Variants in CST1 observed in about 807,000 individuals in gnomAD.
The protein encoded by CST1 is cystatin SN.
CST1 carries 19 observed loss-of-function variants against 10.7 expected under a neutral mutation model. That is an observed-to-expected ratio of 1.78 (90% CI 1.24 to 2.61). The LOEUF is 2.61. Among genes scored for constraint, CST1 ranks in the 30% most tolerant of loss-of-function variants. CST1 has a pLI of 0.00. For synonymous variants in CST1, 95 were observed against 72.8 expected (o/e 1.31, Z -1.55); for missense variants, 247 against 178.1 (o/e 1.39, Z -2.20).
chr20:23,749,257 A>C, intron 1 of CST1, 128 bp from the exon 2 acceptor site: 1 of 812,946 alleles, frequency 1.2e-6, no homozygotes, highest in South Asian at 1.6e-5. Flanking sequence ...CAAGGCACAC[A>C]AGCCCCCTCT....
chr20:23,748,854 AC>A (rs905476338), intron 2 of CST1, among the ~76,000 whole-genome samples, 161 bp downstream of exon 2: 2 of 150,992 alleles, frequency 1.3e-5, no homozygotes, highest in African/African-American at 2.4e-5. Flanking sequence ...CTACATGCAC[AC>A]CCCCCCATAA....
chr20:23,750,552 C>T, intron 1 of CST1, 87 bp downstream of exon 1: 1 of 1,147,698 alleles, frequency 8.7e-7, no homozygotes, highest in Non-Finnish European at 1.3e-6. Flanking sequence ...ATGAATGTAT[C>T]AGTGTTGATT....
rs762143821 is a variant in CST1, at chr20:23,747,855, G to A, written c.387C>T (p.Asn129=). 4 of 1,613,902 alleles carry A rather than the reference G, an allele frequency of 2.5e-6. No homozygotes were observed. Among genetic ancestry groups the A allele is most frequent in the Non-Finnish European group, 3.4e-6 (4 of 1,179,928 alleles). Residue 129 remains asparagine, a synonymous_variant, in exon 3 of 3, where the codon AAC becomes AAT. Coordinates refer to ENST00000304749, the MANE Select transcript of CST1 (RefSeq NM_001898.3). ...ACCTGGATTTCACCAGGGACCTTCT[G>A]TTCTCCCAGGGAACTTCGTAGATCT... ...SFEIYEVPWE[N]RRSLVKSRCQ...
rs749815196 is a variant in CST1 at position 23,750,847 on chromosome 20, G to T, written c.20C>A (p.Thr7Asn). The T allele has an allele frequency of 8.1e-6, 13 of 1,612,418 alleles. No individual in the cohort carries two copies. In the African/African-American group the frequency reaches 1.3e-4, roughly 17 times the overall value. Residue 7 changes from threonine (T) to asparagine (N), a missense_variant, in exon 1 of 3, where the codon ACC (threonine) becomes AAC (asparagine). Physicochemically the swap from Thr to Asn is moderately conservative, Grantham distance 65. Coordinates refer to ENST00000304749, the MANE Select transcript of CST1 (RefSeq NM_001898.3). ...TAGGGTGGCCAGCAGGAGCAGCAGGGTACTCAGATACTGGGCCATGGTCTC... is the reference window on the plus strand; with the variant it reads ...TAGGGTGGCCAGCAGGAGCAGCAGGTTACTCAGATACTGGGCCATGGTCTC... Reference protein sequence around the residue: MAQYLSTLLLLLATLAV... With the variant: MAQYLSNLLLLLATLAV...
At chr20:23,750,407 C>A (rs951346531) in intron 1 of CST1, among the ~76,000 whole-genome samples, 1 of 152,208 alleles carries the variant, frequency 6.6e-6, no homozygotes, top group Non-Finnish European at 1.5e-5. Flanking sequence ...TGGGAAATGC[C>A]ACAGTCATGG....
Position 23,748,020 on chromosome 20 carries a change from A to AC in CST1, c.343-122dup, listed in dbSNP as rs1600405481. ...GAGGTGAGACACTGGGCCCTCACCC[A>AC]CCCCTACTGAGTCCCAGAGTGCTGA... On this transcript the variant is annotated intron_variant, in intron 2 of 2. Transcript: ENST00000304749. The AC allele has an allele frequency of 4.3e-6, 4 of 919,914 alleles. No homozygotes were observed. In the East Asian group the frequency reaches 1.0e-4, roughly 24 times the overall value. The allele number at this position is 919,914 out of a possible 1,614,324, so 57.0% of individuals were successfully genotyped here.
chr20:23,750,370 C>T (rs971649608), intron 1 of CST1, among the ~76,000 whole-genome samples: 2 of 152,178 alleles, frequency 1.3e-5, no homozygotes, highest in African/African-American at 2.4e-5. Flanking sequence ...AGAGTAAGCA[C>T]AGTCTCCATC....
chr20:23,748,582 CA>C (rs1982736420), intron 2 of CST1, among the ~76,000 whole-genome samples: 1 of 152,166 alleles, frequency 6.6e-6, no homozygotes, highest in African/African-American at 2.4e-5. Flanking sequence ...CACTCCAAAG[CA>C]GGCAGAATTG....
In CST1 at chr20:23,750,796, T is replaced by A; in HGVS notation, c.71A>T (p.Lys24Met). The A allele has an allele frequency of 6.2e-7, 1 of 1,614,130 alleles. No individual in the cohort carries two copies. The highest frequency in any genetic ancestry group is 8.5e-7 in the Non-Finnish European group (1 of 1,180,012). ...TLAVALAWSPKEEDRIIPGGI... is the reference protein window; with the variant it reads ...TLAVALAWSPMEEDRIIPGGI... ...ACCCGGGATTATCCTATCCTCCTCCTTGGGGCTCCAGGCCAGGGCCACAGC... is the reference window on the plus strand; with the variant it reads ...ACCCGGGATTATCCTATCCTCCTCCATGGGGCTCCAGGCCAGGGCCACAGC... Residue 24 changes from lysine (K) to methionine (M), a missense_variant, in exon 1 of 3, where the codon AAG (lysine) becomes ATG (methionine). Coordinates refer to ENST00000304749, the MANE Select transcript of CST1 (RefSeq NM_001898.3).
chr20:23,750,483 A>T (rs1024493133), intron 1 of CST1, among the ~76,000 whole-genome samples, 156 bp downstream of exon 1: 1 of 152,236 alleles, frequency 6.6e-6, no homozygotes, highest in Admixed American at 6.5e-5. Context: ...GAGCGTGCTT[A>T]GGCATGAAGG....
Position 23,747,857 on chromosome 20 carries a change from T to C in CST1, c.385A>G (p.Asn129Asp), listed in dbSNP as rs3188319. 50 of 1,613,730 alleles carry C rather than the reference T, an allele frequency of 3.1e-5. No individual in the cohort carries two copies. Among genetic ancestry groups the C allele is most frequent in the Admixed American group, 5.0e-5 (3 of 59,980 alleles). The change falls in exon 3 of 3, where the codon AAC (asparagine) becomes GAC (aspartate). Residue 129 changes from asparagine (N) to aspartate (D), a missense_variant. Transcript: ENST00000304749. Reference protein sequence around the residue: ...SFEIYEVPWENRRSLVKSRCQ... With the variant: ...SFEIYEVPWEDRRSLVKSRCQ... Reference sequence around the variant, plus strand: ...CTGGATTTCACCAGGGACCTTCTGTTCTCCCAGGGAACTTCGTAGATCTCG... The same window carrying C: ...CTGGATTTCACCAGGGACCTTCTGTCCTCCCAGGGAACTTCGTAGATCTCG...
rs756782667 is a variant in CST1, at chr20:23,749,062, G to A, written c.296C>T (p.Pro99Leu). The change falls in exon 2 of 3, where the codon CCC (proline) becomes CTC (leucine). Residue 99 changes from proline to leucine, a missense_variant. Transcript: ENST00000304749. ...VGRTICTKSQPNLDTCAFHEQ... is the reference protein window; with the variant it reads ...VGRTICTKSQLNLDTCAFHEQ... ...ATGGAAGGCACAGGTGTCCAAGTTG[G>A]GCTGGGACTTGGTACATATGGTGCG... 6.8e-6 allele frequency: 11 copies of A among 1,614,122 alleles called. No individual in the cohort carries two copies. In the Admixed American group the frequency reaches 1.8e-4, roughly 27 times the overall value.
intron 1 of CST1, among the ~76,000 whole-genome samples, chr20:23,749,526 G>T (rs755818095): frequency 1.4e-4 from 21 of 152,132 alleles, no homozygotes; most frequent in Non-Finnish European, 2.5e-4. Context: ...TTGGATCAAT[G>T]GGGCCGCCCG....
At position 23,750,890 on chromosome 20, in the gene CST1, A is replaced by G. The variant is rs201376709; in HGVS notation, c.-24T>C. The G allele has an allele frequency of 6.4e-4, 1,002 of 1,576,834 alleles. 2 individuals carry two copies. The highest frequency in any genetic ancestry group is 3.3e-3 in the Middle Eastern group (19 of 5,672). The stretch of plus-strand genomic sequence containing the variant: ...ATGGTCTCCTCAGAGGCAGAGCACA[A>G]AGCTGGAGCTGCAGGAGAGGAGGGT... On this transcript the variant is annotated 5_prime_UTR_variant, in exon 1 of 3. Coordinates refer to ENST00000304749, the MANE Select transcript of CST1 (RefSeq NM_001898.3).
rs1982810732 is a variant in CST1 at position 23,750,727 on chromosome 20, G to T, written c.140C>A (p.Ala47Asp). 6.2e-7 allele frequency: 1 copy of T among 1,614,150 alleles called. No individual in the cohort carries two copies. The highest frequency in any genetic ancestry group is 1.7e-5 in the Admixed American group (1 of 60,032). Residue 47 changes from alanine (A) to aspartate (D), a missense_variant, in exon 1 of 3, where the codon GCC (alanine) becomes GAC (aspartate). Physicochemically the swap from Ala to Asp is moderately radical, Grantham distance 126. Transcript: ENST00000304749. ...ATACTCGCTGATGGCGAAGTGAAGGGCACGCTGTACCCACTCATCATTGAG... is the reference window on the plus strand; with the variant it reads ...ATACTCGCTGATGGCGAAGTGAAGGTCACGCTGTACCCACTCATCATTGAG... ...ADLNDEWVQR[A>D]LHFAISEYNK...
At position 23,750,716 on chromosome 20, in the gene CST1, C is replaced by T. The variant is rs763214720; in HGVS notation, c.151G>A (p.Ala51Thr). 111 of 1,613,962 alleles carry T rather than the reference C, an allele frequency of 6.9e-5. No homozygotes were observed. Among genetic ancestry groups the T allele is most frequent in the South Asian group, 2.7e-4 (25 of 91,076 alleles). The change falls in exon 1 of 3, where the codon GCC (alanine) becomes ACC (threonine). Residue 51 changes from alanine to threonine, a missense_variant. Ala to Thr is a moderately conservative substitution (Grantham distance 58, BLOSUM62 0). Coordinates refer to ENST00000304749, the MANE Select transcript of CST1 (RefSeq NM_001898.3). ...GTGGCCTTGTTATACTCGCTGATGG[C>T]GAAGTGAAGGGCACGCTGTACCCAC... The part of the protein sequence containing the change: ...DEWVQRALHF[A>T]ISEYNKATKD...
rs146601403 is a variant in CST1 at position 23,750,769 on chromosome 20, C to T, written c.98G>A (p.Gly33Asp). 3.1e-4 allele frequency: 502 copies of T among 1,614,018 alleles called. No individual in the cohort carries two copies. The highest frequency in any genetic ancestry group is 4.1e-4 in the Non-Finnish European group (487 of 1,180,010). ...ATCATTGAGGTCTGCGTTATAGATG[C>T]CACCCGGGATTATCCTATCCTCCTC... ...PKEEDRIIPG[G>D]IYNADLNDEW... is the part of the protein sequence containing the mutation. Residue 33 changes from glycine (G) to aspartate (D), a missense_variant, in exon 1 of 3, where the codon GGC (glycine) becomes GAC (aspartate). Gly to Asp is a moderately conservative substitution (Grantham distance 94, BLOSUM62 -1). Coordinates refer to ENST00000304749, the MANE Select transcript of CST1 (RefSeq NM_001898.3).
intron 1 of CST1, 127 bp from the exon 2 acceptor site, chr20:23,749,256 C>G (rs565470782): frequency 1.4e-4 from 115 of 811,840 alleles, no homozygotes; most frequent in Non-Finnish European, 2.1e-4. Context: ...ACAAGGCACA[C>G]AAGCCCCCTC....
Position 23,748,007 on chromosome 20 carries a change from T to C in CST1, c.343-108A>G, listed in dbSNP as rs1315803124. The C allele has an allele frequency of 1.9e-5, 20 of 1,076,738 alleles. No homozygotes were observed. In the East Asian group the frequency reaches 4.7e-4, roughly 26 times the overall value. 66.7% of individuals were successfully genotyped at this position (1,076,738 alleles called of 1,614,324 possible). The stretch of plus-strand genomic sequence containing the variant: ...GGTGAGGAGGATGGAGGTGAGACAC[T>C]GGGCCCTCACCCACCCCTACTGAGT... On this transcript the variant is annotated intron_variant, in intron 2 of 2. Transcript: ENST00000304749.
Sources: gnomAD v4.1 joint callset for allele counts (sites outside exome capture counted in the v4.1 genomes callset) on GRCh38, gnomAD v4.1.1 for gene constraint, MANE v1.5 for transcripts, NCBI Gene and HGNC (gene_info 2026-07-23, HGNC 2026-07-21) for gene names.